Variants in DNAI4 observed in about 807,000 individuals in gnomAD.
DNAI4 encodes dynein axonemal intermediate chain 4.
Under a neutral mutation model 105.8 loss-of-function variants are expected in DNAI4, and 85 were observed. The ratio of observed to expected loss-of-function variants is 0.80; its 90% CI spans 0.67 to 0.96. DNAI4 has a LOEUF of 0.96. Among genes scored for constraint, DNAI4 ranks in the 40% least tolerant of loss-of-function variants. DNAI4 has a pLI of 0.00. For synonymous variants in DNAI4, 352 were observed against 331.5 expected, an observed-to-expected ratio of 1.06 and a Z score of -0.67; for missense variants, 1,014 against 1,005.6, an observed-to-expected ratio of 1.01 and a Z score of -0.11.
chr1:66,827,015 A>G lies in DNAI4; in HGVS notation c.2144T>C (p.Phe715Ser). 1 of 1,614,120 alleles carries G rather than the reference A, an allele frequency of 6.2e-7. No homozygotes were observed. Among genetic ancestry groups the G allele is most frequent in the Non-Finnish European group, 8.5e-7 (1 of 1,180,016 alleles). The part of the protein sequence containing the change: ...GPVYKVTWNP[F>S]CHDVFLSCSA... ...ACAGCTTAAAAATACATCATGACAA[A>G]ATGGATTCCATGTCACTTTATACAC... Residue 715 changes from phenylalanine (F) to serine (S), a missense_variant, in exon 15 of 17, where the codon TTT becomes TCT. By Grantham distance (155) the Phe-to-Ser change is radical (BLOSUM62 -2). Coordinates refer to ENST00000371026, the MANE Select transcript of DNAI4 (RefSeq NM_024763.5).
rs377070291 is a variant in DNAI4 at position 66,871,360 on chromosome 1, T to C, written c.940+10A>G. The C allele has an allele frequency of 3.1e-5, 50 of 1,598,750 alleles. No individual in the cohort carries two copies. The Admixed American group carries it at 5.7e-4, about 18-fold the overall frequency. ...CATTATAGTTTATCAAGCAGAATGA[T>C]AGAAATTACCTTTATCTTCCATTAT... On this transcript the variant is annotated intron_variant, in intron 6 of 16. Coordinates refer to ENST00000371026, the MANE Select transcript of DNAI4 (RefSeq NM_024763.5).
At chr1:66,884,513 G>A (rs892981168) in intron 4 of DNAI4, among the ~76,000 whole-genome samples, 6 of 152,122 alleles carry the variant, frequency 3.9e-5, no homozygotes, top group Non-Finnish European at 8.8e-5. Flanking sequence ...CTATTGTGAT[G>A]TATCATATTT....
intron 11 of DNAI4, 56 bp from the exon 12 acceptor site, chr1:66,834,204 C>T (rs1645932136): frequency 7.1e-7 from 1 of 1,413,004 alleles, no homozygotes; most frequent in Non-Finnish European, 9.5e-7. Context: ...TTCTTAAAGG[C>T]CTTGGAGTAT....
chr1:66,924,722 TG>T lies in DNAI4; in HGVS notation c.109del (p.Gln37SerfsTer21), dbSNP rs1459992499. ...GQKKGWCTTP[Q>X]LVATMPVSPA... is the part of the protein sequence containing the mutation. ...AGAGACTGGCATGGTGGCGACCAGC[TG>T]GGGAGTGGTGCACCACCCCTTTTTT... On this transcript the variant is annotated frameshift_variant, in exon 1 of 17. Transcript: ENST00000371026. LOFTEE classifies it high-confidence loss of function. 4 of 1,614,080 alleles carry T rather than the reference TG, an allele frequency of 2.5e-6. No homozygotes were observed. The Admixed American group carries it at 6.7e-5, about 27-fold the overall frequency.
At chr1:66,910,614 T>G (rs1649586298) in intron 1 of DNAI4, among the ~76,000 whole-genome samples, 1 of 152,264 alleles carries the variant, frequency 6.6e-6, no homozygotes, top group South Asian at 2.1e-4. Flanking sequence ...GCAGCCCCTG[T>G]GCCTCAGGCC....
chr1:66,815,158 G>T (rs560016334), intron 16 of DNAI4, among the ~76,000 whole-genome samples: 2 of 152,230 alleles, frequency 1.3e-5, no homozygotes, highest in East Asian at 3.9e-4. Flanking sequence ...CACCAAATCA[G>T]TTGCCAGGTC....
At chr1:66,866,824 AC>A (rs1646744373) in intron 6 of DNAI4, among the ~76,000 whole-genome samples, 1 of 152,184 alleles carries the variant, frequency 6.6e-6, no homozygotes, top group Admixed American at 6.6e-5. Flanking sequence ...ATGAGGACAT[AC>A]CCAAGGGTAA....
intron 8 of DNAI4, among the ~76,000 whole-genome samples, chr1:66,843,299 C>G (rs1646194857): frequency 6.6e-6 from 1 of 150,732 alleles, no homozygotes; most frequent in African/African-American, 2.4e-5. Flanking sequence ...TGTTGAGTAT[C>G]TTTTTGTATG....
chr1:66,902,317 A>C (rs1254113783), intron 2 of DNAI4, among the ~76,000 whole-genome samples: 3 of 152,036 alleles, frequency 2.0e-5, no homozygotes, highest in African/African-American at 7.2e-5. Context: ...ATGTTTAGTG[A>C]TGTTGAGTAT....
intron 12 of DNAI4, 79 bp from the exon 13 acceptor site, chr1:66,833,785 G>T (rs907152465): frequency 3.8e-5 from 58 of 1,520,770 alleles, no homozygotes; most frequent in Non-Finnish European, 4.9e-5. Context: ...TGTTTCTCCT[G>T]CAAATAATAA....
In DNAI4 at chr1:66,867,772, T is replaced by C. The variant is rs557458460; in HGVS notation, c.940+3598A>G. Among the ~76,000 whole-genome samples, 5 of 152,322 alleles carry C rather than the reference T, an allele frequency of 3.3e-5. No individual in the cohort carries two copies. The South Asian group carries it at 1.0e-3, about 32-fold the overall frequency. On this transcript the variant is annotated intron_variant, in intron 6 of 16. Coordinates refer to ENST00000371026, the MANE Select transcript of DNAI4 (RefSeq NM_024763.5). ...CAAATAATGACTATTTGTTTTTGAA[T>C]CCTTATAAATATTAGTATCTTATAT...
In DNAI4 at chr1:66,905,328, A is replaced by G; in HGVS notation, c.218T>C (p.Met73Thr). The change falls in exon 2 of 17, where the codon ATG (methionine) becomes ACG (threonine). Residue 73 changes from methionine (M) to threonine (T), a missense_variant. Met to Thr is a moderately conservative substitution (Grantham distance 81). Transcript: ENST00000371026. ...ATATCCTTTCACTGAAGTTGCTTTC[A>G]TTGTAGCAAAAAAGCTAATAGACTT... Reference protein sequence around the residue: ...PKKSISFFATMKATSVKGYTG... With the variant: ...PKKSISFFATTKATSVKGYTG... 1 of 1,525,268 alleles carries G rather than the reference A, an allele frequency of 6.6e-7. No individual in the cohort carries two copies. Among genetic ancestry groups the G allele is most frequent in the South Asian group, 1.3e-5 (1 of 75,668 alleles). The allele number at this position is 1,525,268 out of a possible 1,614,324, so 94.5% of individuals were successfully genotyped here.
intron 4 of DNAI4, among the ~76,000 whole-genome samples, chr1:66,875,896 T>C (rs756985390): frequency 7.9e-5 from 12 of 152,084 alleles, no homozygotes; most frequent in Non-Finnish European, 1.6e-4. Context: ...TAGTAAGTAA[T>C]GTAATAATAC....
At chr1:66,821,091 C>CTTTTTTTTTTTTTTTTTTTTTTTTT (rs55811909) in intron 16 of DNAI4, among the ~76,000 whole-genome samples, 1 of 80,326 alleles carries the variant, frequency 1.2e-5, no homozygotes, top group Non-Finnish European at 2.3e-5. Context: ...AAACATTTCT[C>CTTTTTTTTTTTTTTTTTTTTTTTTT]TTTTTTTTTT....
At chr1:66,904,293 C>T (rs967683727) in intron 2 of DNAI4, among the ~76,000 whole-genome samples, 5 of 152,108 alleles carry the variant, frequency 3.3e-5, no homozygotes, top group Admixed American at 6.5e-5. Flanking sequence ...AATAAGTTGA[C>T]AAATAATTGT....
chr1:66,837,545 A>G (rs2100455017), intron 10 of DNAI4, 165 bp downstream of exon 10: 1 of 807,924 alleles, frequency 1.2e-6, no homozygotes, highest in South Asian at 2.2e-5. Flanking sequence ...TCTTTACCCT[A>G]TGTCAACAAG....
chr1:66,898,788 C>T (rs917108471), intron 2 of DNAI4, among the ~76,000 whole-genome samples: 7 of 152,128 alleles, frequency 4.6e-5, no homozygotes, highest in Non-Finnish European at 1.0e-4. Flanking sequence ...CTAACATCTC[C>T]GCTCCCAGCC....
intron 1 of DNAI4, 26 bp downstream of exon 1, chr1:66,924,636 C>A: frequency 6.2e-7 from 1 of 1,614,222 alleles, no homozygotes; most frequent in East Asian, 2.2e-5. Flanking sequence ...GGGGGATGGA[C>A]TACGGTTTTT....
intron 4 of DNAI4, among the ~76,000 whole-genome samples, chr1:66,883,467 G>A (rs559390467): frequency 8.6e-5 from 13 of 151,926 alleles, no homozygotes; most frequent in East Asian, 3.9e-4. Flanking sequence ...TAGTATATAC[G>A]GGGTTTTGCC....
Sources: gnomAD v4.1 joint callset for allele counts (sites outside exome capture counted in the v4.1 genomes callset) on GRCh38, gnomAD v4.1.1 for gene constraint, MANE v1.5 for transcripts, NCBI Gene and HGNC (gene_info 2026-07-23, HGNC 2026-07-21) for gene names.